SDK1: variants seen among roughly 807,000 people sequenced by gnomAD.
The protein encoded by SDK1 is sidekick cell adhesion molecule 1, also known as protein sidekick-1.
SDK1 carries 157 observed loss-of-function variants against 245.5 expected under a neutral mutation model. The ratio of observed to expected loss-of-function variants is 0.64; its 90% CI spans 0.56 to 0.73. The LOEUF is 0.73. Among genes scored for constraint, SDK1 ranks in the 30% least tolerant of loss-of-function variants. The pLI is 0.00. For synonymous variants in SDK1, 1,647 were observed against 1,278.5 expected, an observed-to-expected ratio of 1.29 and a Z score of -6.15; for missense variants, 3,583 against 3,002.3, an observed-to-expected ratio of 1.19 and a Z score of -4.52.
chr7:3,474,148 G>A (rs925448983), intron 1 of SDK1, among the ~76,000 whole-genome samples: 11 of 126,010 alleles, frequency 8.7e-5, no homozygotes, highest in Non-Finnish European at 1.4e-4. Flanking sequence ...TGTTGCCCAG[G>A]CTGGGGCGCG....
chr7:3,375,180 C>CAA (rs35979685), intron 1 of SDK1, among the ~76,000 whole-genome samples: 1 of 142,372 alleles, frequency 7.0e-6, no homozygotes, highest in African/African-American at 2.7e-5. Context: ...AGTTAATTTG[C>CAA]AAAAAAAAAA....
At chr7:3,507,912 C>T (rs1344344833) in intron 1 of SDK1, among the ~76,000 whole-genome samples, 7 of 152,190 alleles carry the variant, frequency 4.6e-5, no homozygotes, top group Admixed American at 1.3e-4. Context: ...GATGACTCCC[C>T]TATGGTTTAA....
chr7:3,890,597 G>A (rs1331088059), intron 5 of SDK1, among the ~76,000 whole-genome samples: 1 of 151,964 alleles, frequency 6.6e-6, no homozygotes, highest in Non-Finnish European at 1.5e-5. Context: ...GGTAACATTG[G>A]GCCTGTGGTT....
At chr7:3,882,204 GT>G (rs1344419811) in intron 5 of SDK1, among the ~76,000 whole-genome samples, 1 of 152,028 alleles carries the variant, frequency 6.6e-6, no homozygotes, top group Non-Finnish European at 1.5e-5. Flanking sequence ...CTCCCAGCCG[GT>G]CCCTCCAAAA....
At chr7:3,357,563 G>T (rs983182652) in intron 1 of SDK1, among the ~76,000 whole-genome samples, 10 of 151,074 alleles carry the variant, frequency 6.6e-5, no homozygotes, top group Admixed American at 1.3e-4. Flanking sequence ...GCCCAGGCTA[G>T]CCTTGAACAC....
chr7:3,564,792 C>T (rs966204281), intron 1 of SDK1, among the ~76,000 whole-genome samples: 3 of 152,000 alleles, frequency 2.0e-5, no homozygotes, highest in African/African-American at 7.2e-5. Flanking sequence ...AAAGTTGGTT[C>T]TTTTATGAAC....
At chr7:3,540,797 C>T (rs1413309374) in intron 1 of SDK1, among the ~76,000 whole-genome samples, 1 of 152,146 alleles carries the variant, frequency 6.6e-6, no homozygotes, top group Non-Finnish European at 1.5e-5. Flanking sequence ...ATGTTGAAAG[C>T]CATCATTCGT....
At chr7:3,449,985 A>G (rs1038867229) in intron 1 of SDK1, among the ~76,000 whole-genome samples, 2 of 152,230 alleles carry the variant, frequency 1.3e-5, no homozygotes, top group African/African-American at 2.4e-5. Flanking sequence ...GGGGTCGACG[A>G]GACTTCATGG....
At chr7:3,702,489 C>G (rs1784767784) in intron 4 of SDK1, among the ~76,000 whole-genome samples, 1 of 152,178 alleles carries the variant, frequency 6.6e-6, no homozygotes, top group Non-Finnish European at 1.5e-5. Context: ...CCCCTCTCCC[C>G]CTCCACATTA....
intron 4 of SDK1, among the ~76,000 whole-genome samples, chr7:3,741,325 C>T (rs1389545147): frequency 2.0e-5 from 3 of 152,164 alleles, no homozygotes; most frequent in Admixed American, 1.3e-4. Flanking sequence ...AAGCAGGAAT[C>T]CCCAGCCCCC....
At chr7:4,004,996 G>T (rs367622164) in intron 14 of SDK1, among the ~76,000 whole-genome samples, 17 of 140,906 alleles carry the variant, frequency 1.2e-4, no homozygotes, top group African/African-American at 3.8e-4. Flanking sequence ...CCAAGTCCTA[G>T]ATTAGGATTC....
rs547905197 is a variant in SDK1, at chr7:3,342,575, C to T, written c.298+40691C>T. On this transcript the variant is annotated intron_variant, in intron 1 of 44. Transcript: ENST00000404826. ...TGCACTCCAGCCTAGGCAACAAGAG[C>T]GAAACTCCATCTCAAAAAAAAGAAA... Among the ~76,000 whole-genome samples, 30 of 150,962 alleles carry T rather than the reference C, an allele frequency of 2.0e-4. No individual in the cohort carries two copies. The East Asian group carries it at 3.5e-3, about 18-fold the overall frequency.
chr7:3,615,930 G>T (rs369198774), intron 1 of SDK1, among the ~76,000 whole-genome samples: 1 of 151,714 alleles, frequency 6.6e-6, no homozygotes, highest in Non-Finnish European at 1.5e-5. Flanking sequence ...ACACTGCCAG[G>T]CTGGAGTGCA....
intron 5 of SDK1, among the ~76,000 whole-genome samples, chr7:3,939,083 C>T (rs1018109788): frequency 2.6e-5 from 4 of 152,278 alleles, no homozygotes; most frequent in South Asian, 2.1e-4. Flanking sequence ...GATATACGAC[C>T]GTATTTCCTC....
chr7:3,697,119 C>T (rs1529658), intron 4 of SDK1, among the ~76,000 whole-genome samples: 122,172 of 152,182 alleles, frequency 0.8, 49,165 homozygotes, highest in African/African-American at 0.83. Context: ...CTAATTCTTA[C>T]AGTAAAAGTA....
At chr7:3,775,564 T>TC (rs916336081) in intron 4 of SDK1, among the ~76,000 whole-genome samples, 3 of 145,172 alleles carry the variant, frequency 2.1e-5, no homozygotes, top group African/African-American at 8.5e-5. Flanking sequence ...TATTAGTACC[T>TC]CTTTTTTTTT....
intron 2 of SDK1, among the ~76,000 whole-genome samples, chr7:3,631,678 A>C (rs906917161): frequency 6.6e-6 from 1 of 152,204 alleles, no homozygotes; most frequent in Admixed American, 6.5e-5. Context: ...ACAGATATGA[A>C]TGTTTATGGA....
At chr7:3,993,314 C>A (rs751249521) in intron 14 of SDK1, among the ~76,000 whole-genome samples, 2 of 152,082 alleles carry the variant, frequency 1.3e-5, no homozygotes, top group Non-Finnish European at 2.9e-5. Flanking sequence ...AGAATGGTGG[C>A]CTTCTACCAG....
chr7:4,215,607 C>G (rs1354594582), intron 38 of SDK1, among the ~76,000 whole-genome samples: 1 of 152,222 alleles, frequency 6.6e-6, no homozygotes, highest in East Asian at 1.9e-4. Flanking sequence ...CGCAGACATG[C>G]TGAGTCTAGT....
Sources: gnomAD v4.1 joint callset for allele counts (sites outside exome capture counted in the v4.1 genomes callset) on GRCh38, gnomAD v4.1.1 for gene constraint, MANE v1.5 for transcripts, NCBI Gene and HGNC (gene_info 2026-07-23, HGNC 2026-07-21) for gene names.